Variants in CFHR5 observed in about 807,000 individuals in gnomAD.
The protein encoded by CFHR5 is complement factor H related 5, also known as complement factor H-related protein 5.
A neutral mutation model predicts 62.9 loss-of-function variants in CFHR5; 73 were observed. The observed-to-expected ratio is 1.16, with a 90% CI of 0.96 to 1.41. CFHR5 has a LOEUF of 1.41. CFHR5 is among the 40% of genes most tolerant of loss of function. The pLI is 0.00. For missense variants in CFHR5, 779 were observed against 679.9 expected, an observed-to-expected ratio of 1.15 and a Z score of -1.62; for synonymous variants, 249 against 227.2, an observed-to-expected ratio of 1.10 and a Z score of -0.86.
At chr1:196,984,784 C>A (rs1653637111) in intron 3 of CFHR5, among the ~76,000 whole-genome samples, 1 of 152,094 alleles carries the variant, frequency 6.6e-6, no homozygotes, top group African/African-American at 2.4e-5. Context: ...AGGAAACTTC[C>A]ATAGTCTTTC....
intron 4 of CFHR5, 68 bp from the exon 5 acceptor site, chr1:196,995,649 T>G: frequency 7.2e-7 from 1 of 1,394,132 alleles, no homozygotes; most frequent in Non-Finnish European, 1.0e-6. Context: ...AGTCAAAAAT[T>G]TAGTAACTCC....
intron 3 of CFHR5, among the ~76,000 whole-genome samples, chr1:196,985,846 T>C (rs1653670162): frequency 6.6e-6 from 1 of 152,206 alleles, no homozygotes; most frequent in Admixed American, 6.5e-5. Flanking sequence ...GAATCAGCCA[T>C]ACCTCCAATA....
At chr1:197,002,792 A>T in intron 8 of CFHR5, 128 bp downstream of exon 8, 1 of 740,612 alleles carries the variant, frequency 1.4e-6, no homozygotes, top group South Asian at 1.7e-5. Context: ...TAAATTGCTA[A>T]GTAACCAATT....
intron 3 of CFHR5, among the ~76,000 whole-genome samples, chr1:196,985,117 A>G (rs982050075): frequency 3.9e-5 from 6 of 152,148 alleles, no homozygotes; most frequent in Non-Finnish European, 8.8e-5. Context: ...CAGCTACTCC[A>G]TCCTATCAAG....
chr1:196,999,805 A>ATATGTG (rs1654097965), intron 7 of CFHR5, among the ~76,000 whole-genome samples: 1 of 135,390 alleles, frequency 7.4e-6, no homozygotes, highest in African/African-American at 2.6e-5. Flanking sequence ...GTGTATATAT[A>ATATGTG]TGTGTGTGTG....
chr1:197,008,708 A>G lies in CFHR5; in HGVS notation c.*25A>G. 1 of 1,574,386 alleles carries G rather than the reference A, an allele frequency of 6.4e-7. No homozygotes were observed. The highest frequency in any genetic ancestry group is 8.7e-7 in the Non-Finnish European group (1 of 1,144,118). On this transcript the variant is annotated 3_prime_UTR_variant, in exon 10 of 10. Coordinates refer to ENST00000256785, the MANE Select transcript of CFHR5 (RefSeq NM_030787.4). Reference sequence around the variant, plus strand: ...AAGCAAGCATAATTTTCCTGAATATATTCTTCAAACATCCATCTATGCTAA... The same window carrying G: ...AAGCAAGCATAATTTTCCTGAATATGTTCTTCAAACATCCATCTATGCTAA...
At chr1:196,982,617 C>T (rs889426897) in intron 1 of CFHR5, among the ~76,000 whole-genome samples, 1 of 151,498 alleles carries the variant, frequency 6.6e-6, no homozygotes, top group African/African-American at 2.4e-5. Flanking sequence ...TGCAGTGAGC[C>T]AAGATTTGCG....
intron 9 of CFHR5, among the ~76,000 whole-genome samples, chr1:197,006,788 A>G (rs1301096540): frequency 6.6e-6 from 1 of 151,960 alleles, no homozygotes; most frequent in Non-Finnish European, 1.5e-5. Context: ...TGAATGAAGT[A>G]GGGAGCCATT....
chr1:197,008,431 G>T, intron 9 of CFHR5, 56 bp from the exon 10 acceptor site: 1 of 1,036,768 alleles, frequency 9.6e-7, no homozygotes. Context: ...ACTATTCTAT[G>T]AAAGGTAAAG....
intron 6 of CFHR5, among the ~76,000 whole-genome samples, chr1:196,997,120 G>T (rs954358008): frequency 2.0e-5 from 3 of 152,016 alleles, no homozygotes; most frequent in Non-Finnish European, 4.4e-5. Context: ...AAACAGAACC[G>T]CCTCTCTCTC....
intron 3 of CFHR5, among the ~76,000 whole-genome samples, chr1:196,985,107 C>A (rs946322591): frequency 2.6e-5 from 4 of 151,980 alleles, no homozygotes; most frequent in Non-Finnish European, 5.9e-5. Flanking sequence ...ATGTTGATAG[C>A]AGCTACTCCA....
chr1:197,002,571 G>T lies in CFHR5; in HGVS notation c.1237G>T (p.Val413Leu). The T allele has an allele frequency of 6.2e-7, 1 of 1,613,150 alleles. No individual in the cohort carries two copies. Among genetic ancestry groups the T allele is most frequent in the Non-Finnish European group, 8.5e-7 (1 of 1,179,292 alleles). ...TTVNYQDGEK[V>L]AVLCKENYLL... Reference sequence around the variant, plus strand: ...AGTGAATTATCAGGATGGAGAAAAAGTAGCTGTTCTCTGTAAAGAAAACTA... The same window carrying T: ...AGTGAATTATCAGGATGGAGAAAAATTAGCTGTTCTCTGTAAAGAAAACTA... Residue 413 changes from valine to leucine, a missense_variant, in exon 8 of 10, where the codon GTA becomes TTA. Physicochemically the swap from Val to Leu is conservative, Grantham distance 32 (BLOSUM62 1). Transcript: ENST00000256785.
In CFHR5 at chr1:196,977,631, T is replaced by A. The variant is rs904875520; in HGVS notation, c.-34T>A. 1 of 1,532,118 alleles carries A rather than the reference T, an allele frequency of 6.5e-7. No individual in the cohort carries two copies. Among genetic ancestry groups the A allele is most frequent in the African/African-American group, 1.4e-5 (1 of 72,890 alleles). 94.9% of individuals were successfully genotyped at this position (1,532,118 alleles called of 1,614,324 possible). On this transcript the variant is annotated 5_prime_UTR_variant, in exon 1 of 10. Coordinates refer to ENST00000256785, the MANE Select transcript of CFHR5 (RefSeq NM_030787.4). Reference sequence around the variant, plus strand: ...TAAAGCAACACCACCATCACTGGAGTATTTTTAGTTATATACGATTGAGAC... The same window carrying A: ...TAAAGCAACACCACCATCACTGGAGAATTTTTAGTTATATACGATTGAGAC...
intron 8 of CFHR5, among the ~76,000 whole-genome samples, chr1:197,004,139 G>C (rs1571528822): frequency 1.3e-5 from 2 of 151,936 alleles, no homozygotes; most frequent in Non-Finnish European, 2.9e-5. Context: ...ACTTTTTTTA[G>C]TTTTCCCCAA....
At chr1:196,993,158 G>A (rs1447229942) in intron 3 of CFHR5, among the ~76,000 whole-genome samples, 1 of 152,054 alleles carries the variant, frequency 6.6e-6, no homozygotes, top group East Asian at 1.9e-4. Flanking sequence ...GAGTATAAGG[G>A]AAAGATTCAA....
At chr1:196,993,286 G>A (rs1253158739) in intron 3 of CFHR5, among the ~76,000 whole-genome samples, 1 of 152,010 alleles carries the variant, frequency 6.6e-6, no homozygotes, top group Non-Finnish European at 1.5e-5. Flanking sequence ...TATCCTGTTT[G>A]GGTGTTTCAC....
chr1:196,993,479 T>C (rs1407363381), intron 3 of CFHR5, among the ~76,000 whole-genome samples: 1 of 152,106 alleles, frequency 6.6e-6, no homozygotes, highest in African/African-American at 2.4e-5. Flanking sequence ...GTATTTTCAG[T>C]AGAGGCAGGG....
At chr1:196,984,233 C>G (rs1048259645) in intron 3 of CFHR5, 96 bp downstream of exon 3, 7 of 1,011,396 alleles carry the variant, frequency 6.9e-6, no homozygotes, top group South Asian at 5.7e-5. Flanking sequence ...GGTTTCACCA[C>G]TACTTCTATC....
intron 3 of CFHR5, among the ~76,000 whole-genome samples, chr1:196,986,355 G>T (rs578095665): frequency 6.6e-6 from 1 of 151,580 alleles, no homozygotes; most frequent in African/African-American, 2.4e-5. Flanking sequence ...CATTGGCCAA[G>T]ATCGATTATT....
Sources: gnomAD v4.1 joint callset for allele counts (sites outside exome capture counted in the v4.1 genomes callset) on GRCh38, gnomAD v4.1.1 for gene constraint, MANE v1.5 for transcripts, NCBI Gene and HGNC (gene_info 2026-07-23, HGNC 2026-07-21) for gene names.